Variants in AGRN observed in about 807,000 individuals in gnomAD.
AGRN encodes agrin proteoglycan.
AGRN carries 106 observed loss-of-function variants against 211.0 expected under a neutral mutation model. That is an observed-to-expected ratio of 0.50 (90% CI 0.43 to 0.59). The LOEUF is 0.59. Ranked by LOEUF, AGRN falls within the 20% of genes least tolerant of loss-of-function variation. The pLI, the probability that AGRN is intolerant of heterozygous loss-of-function variation, is 0.00. For synonymous variants in AGRN, 1,525 were observed against 1,332.5 expected (o/e 1.14, Z -3.15); for missense variants, 3,040 against 2,982.6 (o/e 1.02, Z -0.45).
At chr1:1,052,513 C>CTG (rs1645328137) in intron 33 of AGRN, 2 of 194,288 alleles carry the variant, frequency 1.0e-5, no homozygotes, top group Non-Finnish European at 2.0e-5. Context: ...AGGTATGTGT[C>CTG]CGTGTGTGTG....
chr1:1,020,869 A>G (rs1318005331), intron 1 of AGRN, among the ~76,000 whole-genome samples: 2 of 131,476 alleles, frequency 1.5e-5, no homozygotes, highest in Non-Finnish European at 3.3e-5. Context: ...GTGCAGGAGC[A>G]GAGAGGTGGG....
In AGRN at chr1:1,049,893, C is replaced by T. The variant is rs768521609; in HGVS notation, c.4745-10C>T. The T allele has an allele frequency of 6.8e-6, 11 of 1,611,354 alleles. No homozygotes were observed. Among genetic ancestry groups the T allele is most frequent in the East Asian group, 2.2e-5 (1 of 44,790 alleles). On this transcript the variant is annotated splice_polypyrimidine_tract_variant and intron_variant, in intron 26 of 35. Transcript: ENST00000379370. ...GGACCTCGGTCCCGGTCCCGTCTTC[C>T]TCCATCCAGGACCAACCTGTGCCGA...
At chr1:1,022,781 A>G (rs1442317723) in intron 2 of AGRN, among the ~76,000 whole-genome samples, 1 of 152,228 alleles carries the variant, frequency 6.6e-6, no homozygotes, top group Non-Finnish European at 1.5e-5. Context: ...GAAGCTGGAC[A>G]GGTGAATGTC....
chr1:1,050,057 C>T lies in AGRN; in HGVS notation c.4879+20C>T, dbSNP rs767778494. On this transcript the variant is annotated intron_variant, in intron 27 of 35. Transcript: ENST00000379370. ...AGACAGGTCGGGGGCGTGGGGCTCT[C>T]GGGGCAGGGGGGGGGGGGGGGTTGA... 14 of 454,040 alleles carry T rather than the reference C, an allele frequency of 3.1e-5. No homozygotes were observed. The highest frequency in any genetic ancestry group is 6.2e-4 in the Middle Eastern group (1 of 1,622). The allele number at this position is 454,040 out of a possible 1,614,324, so 28.1% of individuals were successfully genotyped here. A position where few individuals can be genotyped will look rare whatever the true frequency, so the allele number is the denominator to read the frequency against.
rs1050677391 is a variant in AGRN at position 1,048,630 on chromosome 1, C to T, written c.4106-237C>T. On this transcript the variant is annotated intron_variant, in intron 23 of 35. Transcript: ENST00000379370. This position sits in a 1 kb window ranked among gnomAD's most constrained non-coding sequence, Gnocchi z 5.9. ...TACTAAAAATACAAAATTAGCCGGG[C>T]GTGGTGGTGGGCGCCTGTAATCCCA... 59 of 600,408 alleles carry T rather than the reference C, an allele frequency of 9.8e-5. No individual in the cohort carries two copies. Among genetic ancestry groups the T allele is most frequent in the East Asian group, 6.7e-4 (23 of 34,496 alleles). The allele number at this position is 600,408 out of a possible 1,614,324, so 37.2% of individuals were successfully genotyped here.
Position 1,055,284 on chromosome 1 carries a change from G to T in AGRN, c.*303G>T, listed in dbSNP as rs1645424187. 2.2e-6 allele frequency: 1 copy of T among 451,426 alleles called. No individual in the cohort carries two copies. Among genetic ancestry groups the T allele is most frequent in the African/African-American group, 2.0e-5 (1 of 50,392 alleles). 28.0% of individuals were successfully genotyped at this position (451,426 alleles called of 1,614,324 possible). A position where few individuals can be genotyped will look rare whatever the true frequency, so the allele number is the denominator to read the frequency against. ...CCGCCGGGAAGCAGCCCCGGCTCCT[G>T]AATCACCCTCGCTCCGTCAGGCGGG... is the stretch of plus-strand genomic sequence containing the variant. On this transcript the variant is annotated 3_prime_UTR_variant, in exon 36 of 36. Coordinates refer to ENST00000379370, the MANE Select transcript of AGRN (RefSeq NM_198576.4).
intron 2 of AGRN, among the ~76,000 whole-genome samples, chr1:1,024,078 A>T (rs1644467117): frequency 6.6e-6 from 1 of 151,928 alleles, no homozygotes; most frequent in African/African-American, 2.4e-5. Flanking sequence ...GGCCAAGGGG[A>T]GCCTCAGGAG....
At chr1:1,052,548 T>C (rs1645330850) in intron 33 of AGRN, 1 of 218,516 alleles carries the variant, frequency 4.6e-6, no homozygotes, top group Non-Finnish European at 9.2e-6. Flanking sequence ...TCCATGTATG[T>C]GTGTGTATAT....
At position 1,041,081 on chromosome 1, in the gene AGRN, G is replaced by A. The variant is rs1305996792; in HGVS notation, c.728-92G>A. The A allele has an allele frequency of 4.8e-5, 39 of 818,278 alleles. No homozygotes were observed. In the African/African-American group the frequency reaches 6.2e-4, roughly 13 times the overall value. The allele number at this position is 818,278 out of a possible 1,614,324, so 50.7% of individuals were successfully genotyped here. On this transcript the variant is annotated intron_variant, in intron 4 of 35. Coordinates refer to ENST00000379370, the MANE Select transcript of AGRN (RefSeq NM_198576.4). ...GCGGGGCCCGGCGGGGAGGAGCGGGGCTGGGAGGGGCCTGGGGGGCGGAGC... is the reference window on the plus strand; with the variant it reads ...GCGGGGCCCGGCGGGGAGGAGCGGGACTGGGAGGGGCCTGGGGGGCGGAGC...
chr1:1,022,124 C>T, intron 1 of AGRN, 77 bp from the exon 2 acceptor site: 1 of 1,575,540 alleles, frequency 6.3e-7, no homozygotes, highest in Non-Finnish European at 8.7e-7. Flanking sequence ...GGACATTTGC[C>T]CTAAACACCT....
intron 3 of AGRN, among the ~76,000 whole-genome samples, chr1:1,037,998 C>T (rs1001240873): frequency 2.0e-5 from 3 of 152,156 alleles, no homozygotes; most frequent in Non-Finnish European, 2.9e-5. Context: ...CCTAAGCCCG[C>T]AGTGTGAGCG....
At chr1:1,034,076 C>G in intron 2 of AGRN, 2 of 971,744 alleles carry the variant, frequency 2.1e-6, no homozygotes, top group Non-Finnish European at 2.4e-6. Context: ...GCGCTTTCTT[C>G]TCGCTCCCGA....
At position 1,040,881 on chromosome 1, in the gene AGRN, G is replaced by A. The variant is rs1226944764; in HGVS notation, c.727+1G>A. 2 of 1,510,828 alleles carry A rather than the reference G, an allele frequency of 1.3e-6. No individual in the cohort carries two copies. The highest frequency in any genetic ancestry group is 1.8e-6 in the Non-Finnish European group (2 of 1,137,696). The allele number at this position is 1,510,828 out of a possible 1,614,324, so 93.6% of individuals were successfully genotyped here. On this transcript the variant is annotated splice_donor_variant, in intron 4 of 35. Coordinates refer to ENST00000379370, the MANE Select transcript of AGRN (RefSeq NM_198576.4). LOFTEE classifies it high-confidence loss of function. The stretch of plus-strand genomic sequence containing the variant: ...CGCCTGCTCAGCCGCGGGCCGTGCG[G>A]TGAGCGGGGCGGGGCCGGTGCCTGG...
rs1449412827 is a variant in AGRN, at chr1:1,049,230, C to T, written c.4299-6C>T. 11 of 1,575,092 alleles carry T rather than the reference C, an allele frequency of 7.0e-6. No individual in the cohort carries two copies. The highest frequency in any genetic ancestry group is 1.7e-5 in the Admixed American group (1 of 58,154). ...GATGGTCCTGAGCACCTGCTCCTGC[C>T]CTCAGGTTTGACACAGGTTCGGGGC... On this transcript the variant is annotated splice_polypyrimidine_tract_variant and splice_region_variant and intron_variant, in intron 24 of 35. Transcript: ENST00000379370.
At position 1,045,980 on chromosome 1, in the gene AGRN, G is replaced by C. The variant is rs766144721; in HGVS notation, c.2697G>C (p.Ala899=). The C allele has an allele frequency of 1.9e-6, 3 of 1,613,714 alleles. No homozygotes were observed. The African/African-American group carries it at 4.0e-5, about 22-fold the overall frequency. The part of the protein sequence containing the change: ...AGCEADASAP[A]TCAEMRCEFG... ...GTGCCCCAGACGCTTCTGCGCCTGC[G>C]ACCTGTGCGGAGATGCGCTGTGAGT... The change falls in exon 16 of 36, where the codon GCG becomes GCC. Residue 899 remains alanine, a synonymous_variant. Transcript: ENST00000379370.
chr1:1,053,366 G>A, intron 33 of AGRN: 1 of 1,140,854 alleles, frequency 8.8e-7, no homozygotes, highest in Non-Finnish European at 1.1e-6. Flanking sequence ...GTCTTCTGTG[G>A]GTGCCTGCTC....
rs144781935 is a variant in AGRN, at chr1:1,046,519, G to A, written c.3034G>A (p.Ala1012Thr). The change falls in exon 18 of 36, where the codon GCA becomes ACA. Residue 1012 changes from alanine (A) to threonine (T), a missense_variant. Physicochemically the swap from Ala to Thr is moderately conservative, Grantham distance 58. Transcript: ENST00000379370. ...GALPLAPSSTAHSQTTPPPSS... is the reference protein window; with the variant it reads ...GALPLAPSSTTHSQTTPPPSS... ...CCTCCCCCTGGCTCCCAGCAGTACC[G>A]CACACAGCCAGACCACCCCTCCGCC... 64 of 1,602,004 alleles carry A rather than the reference G, an allele frequency of 4.0e-5. 1 individual carries two copies. The highest frequency in any genetic ancestry group is 1.7e-4 in the Middle Eastern group (1 of 6,032).
Position 1,046,952 on chromosome 1 carries a change from G to T in AGRN, c.3383G>T (p.Cys1128Phe). ...TCGCTGGACGCAGAGGGCTCCAACTGCCCCGGTGAGTGGACGGCTGGGCGA... is the reference window on the plus strand; with the variant it reads ...TCGCTGGACGCAGAGGGCTCCAACTTCCCCGGTGAGTGGACGGCTGGGCGA... The part of the protein sequence containing the change: ...TPSLDAEGSN[C>F]PATKVFQGVL... The change falls in exon 19 of 36, where the codon TGC becomes TTC. Residue 1128 changes from cysteine (C) to phenylalanine (F), a missense_variant. This residue lies in a region of AGRN where 1,537 missense variants were observed against 1,505.0 expected (regional missense o/e 1.02). Coordinates refer to ENST00000379370, the MANE Select transcript of AGRN (RefSeq NM_198576.4). 6.3e-7 allele frequency: 1 copy of T among 1,578,610 alleles called. No individual in the cohort carries two copies. Among genetic ancestry groups the T allele is most frequent in the Non-Finnish European group, 8.6e-7 (1 of 1,163,130 alleles).
In AGRN at chr1:1,045,729, A is replaced by G. The variant is rs200243468; in HGVS notation, c.2537-4A>G. 1.9e-6 allele frequency: 3 copies of G among 1,613,160 alleles called. No individual in the cohort carries two copies. Among genetic ancestry groups the G allele is most frequent in the Non-Finnish European group, 2.5e-6 (3 of 1,179,956 alleles). On this transcript the variant is annotated splice_polypyrimidine_tract_variant and splice_region_variant and intron_variant, in intron 14 of 35. Coordinates refer to ENST00000379370, the MANE Select transcript of AGRN (RefSeq NM_198576.4). ...ATCACGTTCCTCCCCGATTTTCCCC[A>G]AAGCCTGCAGCTGTGATCCCCAAGG...
Sources: gnomAD v4.1 joint callset for allele counts (sites outside exome capture counted in the v4.1 genomes callset) on GRCh38, gnomAD v4.1.1 for gene constraint, gnomAD v4.1.1 regional missense constraint, Gnocchi (gnomAD v3.1) non-coding constraint, MANE v1.5 for transcripts, NCBI Gene and HGNC (gene_info 2026-07-23, HGNC 2026-07-21) for gene names.